RIMS1: variants seen among roughly 807,000 people sequenced by gnomAD.
RIMS1 encodes regulating synaptic membrane exocytosis protein 1.
In RIMS1, 83 loss-of-function variants were observed where a neutral mutation model predicts 214.1. The ratio of observed to expected loss-of-function variants is 0.39; its 90% confidence interval spans 0.32 to 0.47. The LOEUF (loss-of-function observed/expected upper bound fraction) is 0.47, where lower values mean the gene tolerates loss of function less well. Among genes scored for constraint, RIMS1 ranks in the 20% least tolerant of loss-of-function variants. RIMS1 has a pLI of 0.99. For missense variants in RIMS1, 2,050 were observed against 2,161.8 expected (o/e 0.95, Z 1.03); for synonymous variants, 793 against 786.8 (o/e 1.01, Z -0.13).
chr6:71,933,682 TCACACACACACA>T (rs10642216), intron 1 of RIMS1, among the ~76,000 whole-genome samples: 19 of 139,310 alleles, frequency 1.4e-4, no homozygotes, highest in Admixed American at 1.3e-3. Context: ...TCTTCCTCAA[TCACACACACACA>T]CACACACACA....
chr6:72,125,252 C>G (rs868120410), intron 4 of RIMS1, among the ~76,000 whole-genome samples: 5 of 152,160 alleles, frequency 3.3e-5, no homozygotes, highest in African/African-American at 1.2e-4. Context: ...AGCTACAGGT[C>G]TCCTGGAGTT....
chr6:72,108,766 T>G (rs970146012), intron 4 of RIMS1, among the ~76,000 whole-genome samples: 6 of 151,796 alleles, frequency 4.0e-5, no homozygotes, highest in African/African-American at 1.2e-4. Context: ...TAGTTACATA[T>G]GTATACATGT....
chr6:72,262,720 T>C, intron 19 of RIMS1: 1 of 768,036 alleles, frequency 1.3e-6, no homozygotes, highest in Non-Finnish European at 1.6e-6. Flanking sequence ...TATGGATATA[T>C]CAATAATATA....
At chr6:72,392,924 A>G in intron 31 of RIMS1, 114 bp downstream of exon 31, 1 of 714,526 alleles carries the variant, frequency 1.4e-6, no homozygotes, top group Non-Finnish European at 2.4e-6. Flanking sequence ...CATTTTAGCT[A>G]CAGAGTTACT....
intron 2 of RIMS1, among the ~76,000 whole-genome samples, chr6:72,031,844 A>G (rs1818201419): frequency 6.6e-6 from 1 of 152,160 alleles, no homozygotes; most frequent in African/African-American, 2.4e-5. Context: ...ACTCTGTGTT[A>G]TTAAGGGTGA....
At chr6:72,056,729 G>C (rs989395929) in intron 2 of RIMS1, among the ~76,000 whole-genome samples, 1 of 152,022 alleles carries the variant, frequency 6.6e-6, no homozygotes, top group Non-Finnish European at 1.5e-5. Context: ...CTTAATTTCA[G>C]TATTCATTTA....
intron 6 of RIMS1, among the ~76,000 whole-genome samples, chr6:72,184,757 T>A (rs2048858315): frequency 4.0e-5 from 3 of 75,610 alleles, no homozygotes; most frequent in Non-Finnish European, 2.5e-5. Context: ...AGGTGCTTTA[T>A]TCTGGGAAAA....
At chr6:72,380,748 T>C (rs1008405746) in intron 29 of RIMS1, among the ~76,000 whole-genome samples, 2 of 152,122 alleles carry the variant, frequency 1.3e-5, no homozygotes, top group African/African-American at 4.8e-5. Flanking sequence ...CCCAGACTGG[T>C]CTTGAACTCC....
intron 1 of RIMS1, among the ~76,000 whole-genome samples, chr6:71,922,714 G>A (rs1014160936): frequency 5.3e-5 from 8 of 152,180 alleles, no homozygotes; most frequent in African/African-American, 1.2e-4. Context: ...AGGAGGAGAA[G>A]GAAAGCTCGT....
At chr6:72,276,813 G>A (rs1045528598) in intron 23 of RIMS1, among the ~76,000 whole-genome samples, 1 of 152,100 alleles carries the variant, frequency 6.6e-6, no homozygotes, top group East Asian at 1.9e-4. Context: ...TTGGCAAATC[G>A]TAATGAACGT....
chr6:72,013,744 T>C (rs1811704858), intron 2 of RIMS1, among the ~76,000 whole-genome samples: 1 of 152,228 alleles, frequency 6.6e-6, no homozygotes, highest in African/African-American at 2.4e-5. Flanking sequence ...ATCTACATAC[T>C]ATAAAATTCG....
Position 72,264,957 on chromosome 6 carries a change from T to G in RIMS1, c.3117-18T>G. ...TATATTTTTCTGTTTCCTGCGTGTT[T>G]GTGTTGCTACGTTCCAGACATCTTG... On this transcript the variant is annotated intron_variant, in intron 19 of 33. Coordinates refer to ENST00000521978, the MANE Select transcript of RIMS1 (RefSeq NM_014989.7). 1 of 1,542,622 alleles carries G rather than the reference T, an allele frequency of 6.5e-7. No homozygotes were observed. Among genetic ancestry groups the G allele is most frequent in the Non-Finnish European group, 8.9e-7 (1 of 1,128,972 alleles).
chr6:72,285,858 T>TG, intron 24 of RIMS1, among the ~76,000 whole-genome samples: 1 of 152,332 alleles, frequency 6.6e-6, no homozygotes, highest in Non-Finnish European at 1.5e-5. Flanking sequence ...TCCTTGAAGT[T>TG]GTATTCTTTT....
intron 7 of RIMS1, among the ~76,000 whole-genome samples, chr6:72,235,186 A>G (rs1485241504): frequency 1.3e-5 from 2 of 151,972 alleles, no homozygotes; most frequent in East Asian, 1.9e-4. Context: ...CATCTCAAAC[A>G]TTTATCATTT....
chr6:72,222,451 GTTA>G (rs1328111945), intron 6 of RIMS1, among the ~76,000 whole-genome samples: 4 of 152,074 alleles, frequency 2.6e-5, no homozygotes, highest in Non-Finnish European at 4.4e-5. Context: ...AGGGATAAGA[GTTA>G]TTATTTACAG....
intron 22 of RIMS1, among the ~76,000 whole-genome samples, chr6:72,269,368 A>G (rs1486526477): frequency 6.6e-6 from 1 of 152,088 alleles, no homozygotes; most frequent in African/African-American, 2.4e-5. Flanking sequence ...GTATTTCCCT[A>G]GCTCCACCTC....
chr6:72,330,216 T>C (rs1435169910), intron 28 of RIMS1, among the ~76,000 whole-genome samples: 1 of 151,820 alleles, frequency 6.6e-6, no homozygotes, highest in African/African-American at 2.4e-5. Context: ...GGATAAAGAC[T>C]GGTAAGTGAC....
chr6:72,150,728 A>G (rs955917152), intron 4 of RIMS1, among the ~76,000 whole-genome samples: 1 of 152,326 alleles, frequency 6.6e-6, no homozygotes, highest in East Asian at 1.9e-4. Context: ...GTTCATTACT[A>G]TTCCCATGTC....
chr6:72,201,530 G>A (rs1209602948), intron 6 of RIMS1, among the ~76,000 whole-genome samples: 1 of 152,138 alleles, frequency 6.6e-6, no homozygotes, highest in Non-Finnish European at 1.5e-5. Context: ...TCTCAGACCT[G>A]GAAGAGGGTT....
Sources: allele counts gnomAD v4.1 joint callset (sites outside exome capture counted in the v4.1 genomes callset), GRCh38; gene constraint gnomAD v4.1.1; transcripts MANE v1.5; gene names NCBI Gene and HGNC (gene_info 2026-07-23, HGNC 2026-07-21).